GUCY2D: variants seen among roughly 807,000 people sequenced by gnomAD.
The protein encoded by GUCY2D is retinal guanylyl cyclase 1.
GUCY2D carries 70 observed loss-of-function variants against 101.3 expected under a neutral mutation model. The ratio of observed to expected loss-of-function variants is 0.69; its 90% CI spans 0.57 to 0.84. GUCY2D has a LOEUF of 0.84. GUCY2D is among the 40% of genes least tolerant of loss of function. GUCY2D has a pLI of 0.00. For missense variants in GUCY2D, 1,460 were observed against 1,542.5 expected, an observed-to-expected ratio of 0.95 and a Z score of 0.90; for synonymous variants, 688 against 670.7, an observed-to-expected ratio of 1.03 and a Z score of -0.40.
rs78844078 is a variant in GUCY2D at position 8,015,861 on chromosome 17, G to C, written c.3043+20G>C. The C allele has an allele frequency of 0.019, 30,707 of 1,607,184 alleles. 560 individuals carry two copies. The highest frequency in any genetic ancestry group is 0.067 in the South Asian group (6,044 of 90,162). ...GGCTGCGTGAGTGTGACGGGGACAA[G>C]ACGGGGAGGTGGGAGGGGGACACGG... On this transcript the variant is annotated intron_variant, in intron 16 of 19. Transcript: ENST00000254854.
rs1464951585 is a variant in GUCY2D, at chr17:8,011,622, A to C, written c.1750-522A>C. 6.6e-6 allele frequency among the ~76,000 whole-genome samples: 1 copy of C among 152,206 alleles called. No individual in the cohort carries two copies. Among genetic ancestry groups the C allele is most frequent in the South Asian group, 2.1e-4 (1 of 4,830 alleles). On this transcript the variant is annotated intron_variant, in intron 8 of 19. Transcript: ENST00000254854. The surrounding 1 kb of genome is among the most constrained non-coding windows in gnomAD (Gnocchi z 4.3). ...AGGATCATTTGAAGCCAGGAGTTCA[A>C]GACCAGCCTGGGCAACATAGCAAGG...
chr17:8,006,369 C>T lies in GUCY2D; in HGVS notation c.1033C>T (p.Pro345Ser), dbSNP rs755696904. The change falls in exon 4 of 20, where the codon CCA becomes TCA. Residue 345 changes from proline to serine, a missense_variant. Coordinates refer to ENST00000254854, the MANE Select transcript of GUCY2D (RefSeq NM_000180.4). The stretch of plus-strand genomic sequence containing the variant: ...CCCTACTCTCCTTCTCCAGGTCTCC[C>T]CACTCTTTGGCACCATCTATGACGC... ...PSDLNLQQVS[P>S]LFGTIYDAVF... 4 of 1,600,054 alleles carry T rather than the reference C, an allele frequency of 2.5e-6. No homozygotes were observed. Among genetic ancestry groups the T allele is most frequent in the Non-Finnish European group, 3.4e-6 (4 of 1,179,802 alleles).
Position 8,013,697 on chromosome 17 carries a change from T to C in GUCY2D, c.2264-183T>C, listed in dbSNP as rs568241298. ...CCCCCAGAGTTCGAGGTCCTCTTGT[T>C]CCTCCTAGCAACCCCCTTCCACACT... is the stretch of plus-strand genomic sequence containing the variant. On this transcript the variant is annotated intron_variant, in intron 11 of 19. Coordinates refer to ENST00000254854, the MANE Select transcript of GUCY2D (RefSeq NM_000180.4). The surrounding 1 kb of genome is among the most constrained non-coding windows in gnomAD (Gnocchi z 5.0). The C allele has an allele frequency of 4.2e-4, 262 of 627,020 alleles. No homozygotes were observed. The highest frequency in any genetic ancestry group is 6.5e-4 in the Non-Finnish European group (227 of 351,896). The allele number at this position is 627,020 out of a possible 1,614,324, so 38.8% of individuals were successfully genotyped here.
In GUCY2D at chr17:8,003,849, C is replaced by A; in HGVS notation, c.722-3C>A. On this transcript the variant is annotated splice_polypyrimidine_tract_variant and splice_region_variant and intron_variant, in intron 2 of 19. Transcript: ENST00000254854. The stretch of plus-strand genomic sequence containing the variant: ...GCGCCGCGAGCCAAGCCTCTGTCCG[C>A]AGCAGTGATCATGGTGATGCACTCG... 6.2e-7 allele frequency: 1 copy of A among 1,611,606 alleles called. No individual in the cohort carries two copies. Among genetic ancestry groups the A allele is most frequent in the East Asian group, 2.2e-5 (1 of 44,852 alleles).
At chr17:8,016,083 G>T (rs1447840403) in intron 17 of GUCY2D, 62 bp downstream of exon 17, 2 of 1,464,874 alleles carry the variant, frequency 1.4e-6, no homozygotes, top group African/African-American at 1.4e-5. Flanking sequence ...CGCCCATCCC[G>T]GGCCGCGGCT....
intron 8 of GUCY2D, among the ~76,000 whole-genome samples, chr17:8,010,678 G>A (rs932329312): frequency 6.6e-6 from 1 of 151,842 alleles, no homozygotes. Context: ...TGTGGTGGCG[G>A]GCGCCTGTAG....
At position 8,014,488 on chromosome 17, in the gene GUCY2D, G is replaced by T; in HGVS notation, c.2413-113G>T. On this transcript the variant is annotated intron_variant, in intron 12 of 19. Coordinates refer to ENST00000254854, the MANE Select transcript of GUCY2D (RefSeq NM_000180.4). The surrounding 1 kb of genome is among the most constrained non-coding windows in gnomAD (Gnocchi z 4.0). ...GATGAATAGTAGATGAATGGTGGCAGCGGGGTTGGGGTTCAGAGTGAACAG... is the reference window on the plus strand; with the variant it reads ...GATGAATAGTAGATGAATGGTGGCATCGGGGTTGGGGTTCAGAGTGAACAG... 1.0e-6 allele frequency: 1 copy of T among 960,616 alleles called. No individual in the cohort carries two copies. The highest frequency in any genetic ancestry group is 1.7e-5 in the Admixed American group (1 of 58,490). 59.5% of individuals were successfully genotyped at this position (960,616 alleles called of 1,614,324 possible).
At chr17:8,007,753 T>C (rs941379995) in intron 6 of GUCY2D, among the ~76,000 whole-genome samples, 178 bp from the exon 7 acceptor site, 19 of 152,076 alleles carry the variant, frequency 1.2e-4, no homozygotes, top group African/African-American at 4.6e-4. Flanking sequence ...AACAAGAAAA[T>C]GAATGTTTGC....
rs746002871 is a variant in GUCY2D at position 8,007,481 on chromosome 17, G to A, written c.1519G>A (p.Val507Met). 3.4e-5 allele frequency: 55 copies of A among 1,613,232 alleles called. No homozygotes were observed. The highest frequency in any genetic ancestry group is 3.6e-5 in the Non-Finnish European group (43 of 1,179,312). The change falls in exon 6 of 20, where the codon GTG becomes ATG. Residue 507 changes from valine to methionine, a missense_variant. Physicochemically the swap from Val to Met is conservative, Grantham distance 21. Coordinates refer to ENST00000254854, the MANE Select transcript of GUCY2D (RefSeq NM_000180.4). ...CGGCCCCAACAAGATCATCCTGACC[G>A]TGGACGACATCACCTTTCTCCACCC... Reference protein sequence around the residue: ...VSGPNKIILTVDDITFLHPHG... With the variant: ...VSGPNKIILTMDDITFLHPHG...
At chr17:8,008,861 A>G (rs1975795304) in intron 7 of GUCY2D, among the ~76,000 whole-genome samples, 1 of 152,204 alleles carries the variant, frequency 6.6e-6, no homozygotes, top group Non-Finnish European at 1.5e-5. Flanking sequence ...CTAAACCCCA[A>G]TTCCCTTCTA....
chr17:8,016,428 GC>G lies in GUCY2D; in HGVS notation c.3225-10del, dbSNP rs750454050. ...CCCATTCCCCTTCCCTGAGGCCACC[GC>G]CCCCTCCTTGCAGGTCCAGCAACCA... On this transcript the variant is annotated splice_polypyrimidine_tract_variant and intron_variant, in intron 18 of 19. Transcript: ENST00000254854. The G allele has an allele frequency of 3.1e-5, 48 of 1,542,014 alleles. No homozygotes were observed. The African/African-American group carries it at 5.9e-4, about 19-fold the overall frequency.
Position 8,014,798 on chromosome 17 carries a change from G to GTTGGC in GUCY2D, c.2576+34_2576+35insTTGGC. ...CAGTGGGAAGGGGTGGGCTGGGAGG[G>GTTGGC]CAGCTGGAGCCCAGCCAGGTAGAGT... On this transcript the variant is annotated intron_variant, in intron 13 of 19. Coordinates refer to ENST00000254854, the MANE Select transcript of GUCY2D (RefSeq NM_000180.4). This position sits in a 1 kb window ranked among gnomAD's most constrained non-coding sequence, Gnocchi z 4.0. 1 of 558,710 alleles carries GTTGGC rather than the reference G, an allele frequency of 1.8e-6. No homozygotes were observed. The allele number at this position is 558,710 out of a possible 1,614,324, so 34.6% of individuals were successfully genotyped here.
rs965874262 is a variant in GUCY2D, at chr17:8,011,764, G to A, written c.1750-380G>A. Among the ~76,000 whole-genome samples the A allele has an allele frequency of 2.0e-5, 3 of 152,162 alleles. No individual in the cohort carries two copies. Among genetic ancestry groups the A allele is most frequent in the Admixed American group, 2.0e-4 (3 of 15,284 alleles). ...GGATCACTTGAACCAAGGAATGAAA[G>A]GTAGCAGTGATTTATGATCATGCCG... On this transcript the variant is annotated intron_variant, in intron 8 of 19. Coordinates refer to ENST00000254854, the MANE Select transcript of GUCY2D (RefSeq NM_000180.4). The surrounding 1 kb of genome is among the most constrained non-coding windows in gnomAD (Gnocchi z 4.3).
rs756393266 is a variant in GUCY2D, at chr17:8,012,476, C to T, written c.1983C>T (p.Gly661=). Residue 661 remains glycine (G), a synonymous_variant, in exon 10 of 20, where the codon GGC becomes GGT. Coordinates refer to ENST00000254854, the MANE Select transcript of GUCY2D (RefSeq NM_000180.4). ...IKGIRYLHHR[G]VAHGRLKSRN... ...GAATAAGGTATCTGCACCATCGAGG[C>T]GTGGCTCATGGGCGGCTGAAGTCAC... The T allele has an allele frequency of 6.8e-6, 11 of 1,614,062 alleles. No homozygotes were observed. In the Admixed American group the frequency reaches 1.2e-4, roughly 17 times the overall value.
rs1480782392 is a variant in GUCY2D, at chr17:8,004,561, A to AAGGGCC, written c.1026+405_1026+406insAGGGCC. Reference sequence around the variant, plus strand: ...TCAGAGGTATTTCCTCTGGGGCCTCATCTGGTGGTCTTAGCTTTTCAAGGG... The same window carrying AAGGGCC: ...TCAGAGGTATTTCCTCTGGGGCCTCAAGGGCCTCTGGTGGTCTTAGCTTTTCAAGGG... On this transcript the variant is annotated intron_variant, in intron 3 of 19. Coordinates refer to ENST00000254854, the MANE Select transcript of GUCY2D (RefSeq NM_000180.4). 2.8e-4 allele frequency among the ~76,000 whole-genome samples: 43 copies of AAGGGCC among 152,286 alleles called. No individual in the cohort carries two copies. In the South Asian group the frequency reaches 8.5e-3, roughly 30 times the overall value.
chr17:8,014,303 G>T lies in GUCY2D; in HGVS notation c.2412+275G>T. The T allele has an allele frequency of 1.7e-6, 1 of 602,006 alleles. No individual in the cohort carries two copies. The highest frequency in any genetic ancestry group is 1.8e-5 in the African/African-American group (1 of 54,130). The allele number at this position is 602,006 out of a possible 1,614,324, so 37.3% of individuals were successfully genotyped here. ...TGAGAACCAAGTATGTGCTTGGCCTGCTGTGACAGAAAGACCCTTGGCCTG... is the reference window on the plus strand; with the variant it reads ...TGAGAACCAAGTATGTGCTTGGCCTTCTGTGACAGAAAGACCCTTGGCCTG... On this transcript the variant is annotated intron_variant, in intron 12 of 19. Coordinates refer to ENST00000254854, the MANE Select transcript of GUCY2D (RefSeq NM_000180.4). This position sits in a 1 kb window ranked among gnomAD's most constrained non-coding sequence, Gnocchi z 4.0.
rs2151799039 is a variant in GUCY2D, at chr17:8,002,653, G to A, written c.-91G>A. On this transcript the variant is annotated 5_prime_UTR_variant, in exon 1 of 20. Transcript: ENST00000254854. This position sits in a 1 kb window ranked among gnomAD's most constrained non-coding sequence, Gnocchi z 4.9. ...CGCCCTGGCCTGGGCTGGCAAGGAA[G>A]ACCTGTGGGCGGGCGTCAAAAGGGG... The A allele has an allele frequency of 4.7e-6, 1 of 211,972 alleles. No individual in the cohort carries two copies. The highest frequency in any genetic ancestry group is 1.0e-4 in the South Asian group (1 of 9,616). 13.1% of individuals were successfully genotyped at this position (211,972 alleles called of 1,614,324 possible).
At chr17:8,016,921 G>C in intron 19 of GUCY2D, 1 of 185,356 alleles carries the variant, frequency 5.4e-6, no homozygotes, top group Non-Finnish European at 1.1e-5. Flanking sequence ...CAGAAGCCGT[G>C]CCCACTCCCC....
chr17:8,013,353 A>T lies in GUCY2D; in HGVS notation c.2263+101A>T. 2 of 1,166,612 alleles carry T rather than the reference A, an allele frequency of 1.7e-6. No individual in the cohort carries two copies. The highest frequency in any genetic ancestry group is 2.5e-6 in the Non-Finnish European group (2 of 798,980). The allele number at this position is 1,166,612 out of a possible 1,614,324, so 72.3% of individuals were successfully genotyped here. A position where few individuals can be genotyped will look rare whatever the true frequency, so the allele number is the denominator to read the frequency against. On this transcript the variant is annotated intron_variant, in intron 11 of 19. Coordinates refer to ENST00000254854, the MANE Select transcript of GUCY2D (RefSeq NM_000180.4). The surrounding 1 kb of genome is among the most constrained non-coding windows in gnomAD (Gnocchi z 5.0). ...CTCTAAAGCAAAGCCCAGTGATGAAACTCAATTATACGGAGGCCCCCTTAA... is the reference window on the plus strand; with the variant it reads ...CTCTAAAGCAAAGCCCAGTGATGAATCTCAATTATACGGAGGCCCCCTTAA...
Sources: gnomAD v4.1 joint callset for allele counts (sites outside exome capture counted in the v4.1 genomes callset) on GRCh38, gnomAD v4.1.1 for gene constraint, Gnocchi (gnomAD v3.1) non-coding constraint, MANE v1.5 for transcripts, NCBI Gene and HGNC (gene_info 2026-07-23, HGNC 2026-07-21) for gene names.